Variants in TMEM229B observed in about 807,000 individuals in gnomAD.
TMEM229B encodes chromosome 14 open reading frame 83.
A neutral mutation model predicts 13.7 loss-of-function variants in TMEM229B; 6 were observed. That is an observed-to-expected ratio of 0.44 (90% confidence interval 0.24 to 0.86). The LOEUF is 0.86. TMEM229B is among the 40% of genes least tolerant of loss of function. TMEM229B has a pLI of 0.23. For synonymous variants in TMEM229B, 107 were observed against 102.1 expected, an observed-to-expected ratio of 1.05 and a Z score of -0.29; for missense variants, 170 against 236.0, an observed-to-expected ratio of 0.72 and a Z score of 1.83.
At chr14:67,490,423 A>G (rs542750133), upstream of TMEM229B, among the ~76,000 whole-genome samples, 5 of 152,324 alleles carry the variant, frequency 3.3e-5, no homozygotes, top group South Asian at 4.1e-4. Flanking sequence ...GCATCAGGGG[A>G]GATACTGCAG....
At chr14:67,533,385 C>A (rs1360726432) in intron 1 of TMEM229B, 1 of 151,582 alleles carries the variant, frequency 6.6e-6, no homozygotes, top group African/African-American at 2.4e-5. Flanking sequence ...GGGACGGCCG[C>A]GAGCTCGCTG....
chr14:67,524,686 C>T (rs183530968), intron 1 of TMEM229B, among the ~76,000 whole-genome samples: 1 of 152,314 alleles, frequency 6.6e-6, no homozygotes, highest in East Asian at 1.9e-4. Context: ...AGACTTGTGT[C>T]TGCTCCTTCA....
In TMEM229B at chr14:67,508,403, G is replaced by A. The variant is rs73288679; in HGVS notation, c.-192+6683C>T. 6.7e-3 allele frequency among the ~76,000 whole-genome samples: 1,016 copies of A among 152,162 alleles called. 11 individuals carry two copies. The highest frequency in any genetic ancestry group is 0.024 in the African/African-American group (981 of 41,518). ...AGAGAATATCTTGTCCAAATGATAA[G>A]AAAACTAAAAGCCAAAAAACTTGCA... On this transcript the variant is annotated intron_variant, in intron 1 of 2. Coordinates refer to the TMEM229B transcript ENST00000357461.
intron 1 of TMEM229B, among the ~76,000 whole-genome samples, chr14:67,507,636 T>C (rs1028999800): frequency 3.9e-5 from 6 of 152,158 alleles, no homozygotes; most frequent in Admixed American, 3.3e-4. Flanking sequence ...AGACAAGGTC[T>C]CACTGTGTTG....
At chr14:67,522,738 G>A (rs1466090642) in intron 1 of TMEM229B, among the ~76,000 whole-genome samples, 3 of 152,144 alleles carry the variant, frequency 2.0e-5, no homozygotes, top group East Asian at 1.9e-4. Flanking sequence ...CATAGGAGCC[G>A]GCTGAGAGAC....
chr14:67,519,065 G>A (rs1184680893), upstream of TMEM229B, among the ~76,000 whole-genome samples: 1 of 152,174 alleles, frequency 6.6e-6, no homozygotes, highest in Admixed American at 6.5e-5. Context: ...TGGGGGATGG[G>A]ACATATGGAT....
chr14:67,527,522 A>G (rs1049616586), intron 1 of TMEM229B, among the ~76,000 whole-genome samples: 1 of 152,146 alleles, frequency 6.6e-6, no homozygotes, highest in Admixed American at 6.5e-5. Flanking sequence ...AAATGTTTCG[A>G]TTTTTAATTA....
At chr14:67,496,714 T>TTTTA (rs546377473) in intron 1 of TMEM229B, among the ~76,000 whole-genome samples, 8 of 149,514 alleles carry the variant, frequency 5.4e-5, no homozygotes, top group African/African-American at 2.0e-4. Flanking sequence ...TCCCTTCCCC[T>TTTTA]TTTCTTTCTT....
intron 1 of TMEM229B, among the ~76,000 whole-genome samples, chr14:67,507,450 T>A (rs2032867734): frequency 6.6e-6 from 1 of 152,044 alleles, no homozygotes; most frequent in African/African-American, 2.4e-5. Context: ...AATCCTGGAC[T>A]GAAGCAGACC....
At chr14:67,510,958 A>G (rs2033004669) in intron 1 of TMEM229B, among the ~76,000 whole-genome samples, 1 of 152,188 alleles carries the variant, frequency 6.6e-6, no homozygotes, top group Non-Finnish European at 1.5e-5. Flanking sequence ...TTTATCTTGA[A>G]GCATGAATCA....
chr14:67,518,827 G>A (rs1402526295), upstream of TMEM229B, among the ~76,000 whole-genome samples: 1 of 152,236 alleles, frequency 6.6e-6, no homozygotes, highest in African/African-American at 2.4e-5. Context: ...TCAAGAGGGT[G>A]ATTCCAGTGG....
At chr14:67,497,609 C>T (rs1023422781) in intron 1 of TMEM229B, among the ~76,000 whole-genome samples, 2 of 152,188 alleles carry the variant, frequency 1.3e-5, no homozygotes, top group Non-Finnish European at 2.9e-5. Flanking sequence ...TATCAAGATC[C>T]TAACTCCCTT....
In TMEM229B at chr14:67,530,584, G is replaced by A. The variant is rs149358223; in HGVS notation, c.-192+3052C>T. 3.5e-3 allele frequency among the ~76,000 whole-genome samples: 529 copies of A among 152,260 alleles called. 1 individual carries two copies. The highest frequency in any genetic ancestry group is 0.012 in the African/African-American group (498 of 41,530). On this transcript the variant is annotated intron_variant, in intron 1 of 2. Coordinates refer to the TMEM229B transcript ENST00000554278. ...TCTGAAGTGCCCTAATCAGGAATCC[G>A]CACTCCAGAAAATGGTTACATAAGC...
chr14:67,479,563 C>T (rs537840049), intron 2 of TMEM229B, among the ~76,000 whole-genome samples: 3 of 151,834 alleles, frequency 2.0e-5, no homozygotes, highest in East Asian at 3.9e-4. Context: ...ACTAAAAATA[C>T]AAAAATTAGC....
intron 1 of TMEM229B, among the ~76,000 whole-genome samples, chr14:67,524,899 G>A (rs2033344551): frequency 6.6e-6 from 1 of 152,146 alleles, no homozygotes; most frequent in Admixed American, 6.5e-5. Context: ...CTTAATGAAG[G>A]GAAAGGAGGC....
exon 1 of TMEM229B, chr14:67,515,251 C>T (rs1395050768): frequency 6.5e-6 from 1 of 152,862 alleles, no homozygotes; most frequent in Non-Finnish European, 1.5e-5. Flanking sequence ...AAGCCCGGCG[C>T]TCTGGCTCCC....
At chr14:67,529,782 T>C (rs2033419016) in intron 1 of TMEM229B, among the ~76,000 whole-genome samples, 1 of 152,150 alleles carries the variant, frequency 6.6e-6, no homozygotes. Flanking sequence ...GCAGTAGAAG[T>C]AACCTCCTGA....
intron 2 of TMEM229B, among the ~76,000 whole-genome samples, chr14:67,481,321 T>C (rs1212510583): frequency 2.0e-5 from 3 of 151,474 alleles, no homozygotes; most frequent in Non-Finnish European, 2.9e-5. Flanking sequence ...AAAAGCGAGA[T>C]GGGGGAGAGA....
intron 1 of TMEM229B, among the ~76,000 whole-genome samples, chr14:67,501,890 A>G (rs1433272685): frequency 1.3e-5 from 2 of 152,216 alleles, no homozygotes; most frequent in African/African-American, 2.4e-5. Flanking sequence ...GAATATTCAT[A>G]CTGTGCAATG....
Sources: gnomAD v4.1 joint callset for allele counts (sites outside exome capture counted in the v4.1 genomes callset) on GRCh38, gnomAD v4.1.1 for gene constraint, MANE v1.5 for transcripts, NCBI Gene and HGNC (gene_info 2026-07-23, HGNC 2026-07-21) for gene names.